NXPH1: variants seen among roughly 807,000 people sequenced by gnomAD.
NXPH1 encodes neurexophilin-1.
NXPH1 carries 5 observed loss-of-function variants against 23.7 expected under a neutral mutation model. The ratio of observed to expected loss-of-function variants is 0.21; its 90% CI spans 0.11 to 0.44. NXPH1 has a LOEUF of 0.44. Ranked by LOEUF, NXPH1 falls within the 20% of genes least tolerant of loss-of-function variation. The pLI is 0.99. For synonymous variants in NXPH1, 144 were observed against 122.2 expected, an observed-to-expected ratio of 1.18 and a Z score of -1.18; for missense variants, 324 against 321.6, an observed-to-expected ratio of 1.01 and a Z score of -0.06.
chr7:8,433,658 C>A lies in NXPH1; in HGVS notation c.-1208C>A, dbSNP rs969702134. 2.0e-5 allele frequency among the ~76,000 whole-genome samples: 3 copies of A among 152,164 alleles called. No individual in the cohort carries two copies. Among genetic ancestry groups the A allele is most frequent in the Non-Finnish European group, 2.9e-5 (2 of 68,024 alleles). On this transcript the variant is annotated 5_prime_UTR_variant, in exon 1 of 3. Coordinates refer to ENST00000405863, the MANE Select transcript of NXPH1 (RefSeq NM_152745.3). The surrounding 1 kb of genome is among the most constrained non-coding windows in gnomAD (Gnocchi z 6.8). ...AATGGCTGGCAGTCTGCGGCTCCCCCGCCTCCGGCCCGGCAGCCACAGGTC... is the reference window on the plus strand; with the variant it reads ...AATGGCTGGCAGTCTGCGGCTCCCCAGCCTCCGGCCCGGCAGCCACAGGTC...
chr7:8,730,667 C>T (rs1275125205), intron 2 of NXPH1, among the ~76,000 whole-genome samples: 3 of 152,124 alleles, frequency 2.0e-5, no homozygotes, highest in Non-Finnish European at 4.4e-5. Context: ...TGAATATTGG[C>T]CCCCACTCTC....
At chr7:8,730,658 G>C (rs948691379) in intron 2 of NXPH1, among the ~76,000 whole-genome samples, 12 of 152,154 alleles carry the variant, frequency 7.9e-5, no homozygotes, top group Admixed American at 1.3e-4. Context: ...TAAGAATGTT[G>C]AATATTGGCC....
intron 2 of NXPH1, among the ~76,000 whole-genome samples, chr7:8,706,788 G>C (rs1779713559): frequency 6.6e-6 from 1 of 152,190 alleles, no homozygotes; most frequent in South Asian, 2.1e-4. Flanking sequence ...CTAAGGCTGT[G>C]TCCTCTGTGG....
chr7:8,562,273 C>T (rs1818458509), intron 2 of NXPH1, among the ~76,000 whole-genome samples: 1 of 151,660 alleles, frequency 6.6e-6, no homozygotes, highest in Non-Finnish European at 1.5e-5. Context: ...TTGGAAAGGC[C>T]AGATGGAAAA....
At chr7:8,638,468 G>A (rs1186937399) in intron 2 of NXPH1, among the ~76,000 whole-genome samples, 1 of 152,100 alleles carries the variant, frequency 6.6e-6, no homozygotes, top group Non-Finnish European at 1.5e-5. Context: ...AGTAAACCAA[G>A]GAATTGTGTA....
At chr7:8,441,250 G>T (rs781496124) in intron 2 of NXPH1, among the ~76,000 whole-genome samples, 3 of 152,042 alleles carry the variant, frequency 2.0e-5, no homozygotes, top group Non-Finnish European at 4.4e-5. Flanking sequence ...CTGCACTCTC[G>T]CCTCCCTCTG....
intron 2 of NXPH1, among the ~76,000 whole-genome samples, chr7:8,704,183 A>C (rs1325884212): frequency 6.6e-6 from 1 of 152,012 alleles, no homozygotes; most frequent in African/African-American, 2.4e-5. Flanking sequence ...CTCTGCTGAA[A>C]GTGGTTGTAA....
In NXPH1 at chr7:8,708,860, A is replaced by G. The variant is rs189137561; in HGVS notation, c.55-42148A>G. Among the ~76,000 whole-genome samples the G allele has an allele frequency of 4.7e-3, 711 of 152,296 alleles. 1 individual carries two copies. The highest frequency in any genetic ancestry group is 7.4e-3 in the Non-Finnish European group (501 of 68,038). ...CTCAACATGTGTTCCATGACGAGCA[A>G]TGCCGACAATACCCAAGAGCTTATT... is the stretch of plus-strand genomic sequence containing the variant. On this transcript the variant is annotated intron_variant, in intron 2 of 2. Transcript: ENST00000405863.
intron 2 of NXPH1, among the ~76,000 whole-genome samples, chr7:8,675,865 A>G (rs1041948440): frequency 1.1e-4 from 17 of 152,168 alleles, no homozygotes; most frequent in Non-Finnish European, 2.5e-4. Flanking sequence ...CCAATAAATT[A>G]GTCAATTCAA....
chr7:8,743,493 G>A (rs773217522), intron 2 of NXPH1, among the ~76,000 whole-genome samples: 1 of 152,122 alleles, frequency 6.6e-6, no homozygotes, highest in Non-Finnish European at 1.5e-5. Context: ...TGAAGTGGGA[G>A]TGAAGTCGAG....
chr7:8,602,764 C>T (rs1819388395), intron 2 of NXPH1, among the ~76,000 whole-genome samples: 1 of 152,152 alleles, frequency 6.6e-6, no homozygotes, highest in Non-Finnish European at 1.5e-5. Context: ...GGTCCACCTT[C>T]ATAGCTCCAA....
chr7:8,491,601 C>G (rs958108849), intron 2 of NXPH1, among the ~76,000 whole-genome samples: 3 of 151,906 alleles, frequency 2.0e-5, no homozygotes, highest in African/African-American at 7.2e-5. Flanking sequence ...GGCTCATAAG[C>G]CATTCTGATG....
intron 2 of NXPH1, among the ~76,000 whole-genome samples, chr7:8,650,167 C>T (rs995001357): frequency 1.1e-4 from 16 of 152,102 alleles, no homozygotes; most frequent in Admixed American, 6.6e-5. Flanking sequence ...TCTGATCCAG[C>T]GTCTTTTGTT....
intron 2 of NXPH1, among the ~76,000 whole-genome samples, chr7:8,613,526 G>T (rs1001487033): frequency 6.6e-6 from 1 of 151,924 alleles, no homozygotes; most frequent in African/African-American, 2.4e-5. Context: ...ACTTGATGTA[G>T]CTTTCTAACA....
intron 2 of NXPH1, among the ~76,000 whole-genome samples, chr7:8,495,711 G>A (rs1405557551): frequency 2.0e-5 from 3 of 152,030 alleles, no homozygotes; most frequent in African/African-American, 7.2e-5. Context: ...TCTGCCTCAA[G>A]CTTTGTGAAT....
intron 2 of NXPH1, among the ~76,000 whole-genome samples, chr7:8,703,124 T>C (rs937704555): frequency 6.6e-6 from 1 of 152,068 alleles, no homozygotes; most frequent in Admixed American, 6.6e-5. Context: ...AATGGAAACT[T>C]ATCTTGGCCT....
rs945142453 is a variant in NXPH1 at position 8,637,472 on chromosome 7, C to T, written c.55-113536C>T. ...ATTCCTGGGCTCAAGCAATCCACTC[C>T]GTCAGCCTCCCAAAGCGCTGGGGAT... On this transcript the variant is annotated intron_variant, in intron 2 of 2. Coordinates refer to ENST00000405863, the MANE Select transcript of NXPH1 (RefSeq NM_152745.3). 3.3e-5 allele frequency among the ~76,000 whole-genome samples: 5 copies of T among 152,110 alleles called. No homozygotes were observed. In the South Asian group the frequency reaches 6.2e-4, roughly 19 times the overall value.
chr7:8,556,135 A>G (rs1354202043), intron 2 of NXPH1, among the ~76,000 whole-genome samples: 1 of 151,654 alleles, frequency 6.6e-6, no homozygotes, highest in African/African-American at 2.4e-5. Flanking sequence ...TGTTATGGCT[A>G]TTGATCCAAA....
chr7:8,506,731 G>T (rs1453080520), intron 2 of NXPH1, among the ~76,000 whole-genome samples: 1 of 152,060 alleles, frequency 6.6e-6, no homozygotes, highest in Non-Finnish European at 1.5e-5. Flanking sequence ...CATTAATTAG[G>T]CAAGGAGATG....
Sources: gnomAD v4.1 joint callset for allele counts (sites outside exome capture counted in the v4.1 genomes callset) on GRCh38, gnomAD v4.1.1 for gene constraint, Gnocchi (gnomAD v3.1) non-coding constraint, MANE v1.5 for transcripts, NCBI Gene and HGNC (gene_info 2026-07-23, HGNC 2026-07-21) for gene names.